PIWIL4: variants seen among roughly 807,000 people sequenced by gnomAD.
PIWIL4 encodes piwi like RNA-mediated gene silencing 4.
Under a neutral mutation model 100.9 loss-of-function variants are expected in PIWIL4, and 50 were observed. That is an observed-to-expected ratio of 0.50 (90% CI 0.39 to 0.63). PIWIL4 has a LOEUF of 0.63. PIWIL4 is among the 20% of genes least tolerant of loss of function. The pLI is 0.00. For synonymous variants in PIWIL4, 342 were observed against 367.5 expected (o/e 0.93, Z 0.79); for missense variants, 887 against 1,043.3 (o/e 0.85, Z 2.06).
chr11:94,607,796 C>G (rs1335062427), intron 14 of PIWIL4, among the ~76,000 whole-genome samples, 157 bp downstream of exon 14: 1 of 152,174 alleles, frequency 6.6e-6, no homozygotes, highest in African/African-American at 2.4e-5. Flanking sequence ...TTGTGAATCT[C>G]CAAAAGAGGC....
intron 17 of PIWIL4, 35 bp downstream of exon 17, chr11:94,618,142 A>G (rs1417568380): frequency 1.3e-6 from 2 of 1,510,904 alleles, no homozygotes; most frequent in African/African-American, 1.4e-5. Flanking sequence ...CATACTCCCA[A>G]TTATAGCATA....
intron 5 of PIWIL4, among the ~76,000 whole-genome samples, chr11:94,585,039 T>A (rs1948379516): frequency 6.6e-6 from 1 of 152,204 alleles, no homozygotes; most frequent in Non-Finnish European, 1.5e-5. Context: ...CACTCCAGCC[T>A]GGGCAACAAG....
intron 1 of PIWIL4, among the ~76,000 whole-genome samples, chr11:94,568,005 TTTAGA>T (rs1019729663): frequency 5.3e-5 from 8 of 152,072 alleles, no homozygotes; most frequent in Admixed American, 3.9e-4. Context: ...ACACATGTGG[TTTAGA>T]TTAAACTACT....
intron 3 of PIWIL4, among the ~76,000 whole-genome samples, chr11:94,576,389 C>T (rs1948237102): frequency 6.6e-6 from 1 of 152,198 alleles, no homozygotes; most frequent in Admixed American, 6.5e-5. Flanking sequence ...CCGCCTTGGC[C>T]TCCCAAACTG....
intron 5 of PIWIL4, among the ~76,000 whole-genome samples, chr11:94,584,316 G>A (rs1468397797): frequency 2.0e-5 from 3 of 152,156 alleles, no homozygotes; most frequent in African/African-American, 7.2e-5. Flanking sequence ...CCTCTGGAAG[G>A]CATGAAGATG....
At chr11:94,595,196 G>A in intron 9 of PIWIL4, 113 bp from the exon 10 acceptor site, 1 of 733,806 alleles carries the variant, frequency 1.4e-6, no homozygotes, top group South Asian at 2.2e-5. Flanking sequence ...ATTTCTATTG[G>A]ATGTGCTATA....
rs751887144 is a variant in PIWIL4 at position 94,568,808 on chromosome 11, G to T, written c.166G>T (p.Asp56Tyr). 4 of 1,592,676 alleles carry T rather than the reference G, an allele frequency of 2.5e-6. No individual in the cohort carries two copies. In the East Asian group the frequency reaches 8.9e-5, roughly 36 times the overall value. Residue 56 changes from aspartate to tyrosine, a missense_variant and splice_region_variant, in exon 2 of 20, where the codon GAT becomes TAT. Asp to Tyr is a radical substitution (Grantham distance 160). Around this residue, in one of 2 missense-constraint regions of PIWIL4, gnomAD observed 146 missense variants for 113.4 expected, o/e 1.29. Transcript: ENST00000299001. ...FLGTSRISTN[D>Y]KYGISSGDAG... is the part of the protein sequence containing the mutation. ...GGGAACAAGCAGGATCTCAACCAAC[G>T]GTAAGTGCAGCTCAGCCTGTTCATT...
intron 2 of PIWIL4, among the ~76,000 whole-genome samples, chr11:94,570,918 CAAAA>C (rs202046230): frequency 1.3e-5 from 2 of 151,672 alleles, no homozygotes; most frequent in Admixed American, 6.6e-5. Flanking sequence ...AACAAACAAA[CAAAA>C]AAAACAATTT....
chr11:94,620,742 G>A, intron 19 of PIWIL4, 134 bp from the exon 20 acceptor site: 1 of 618,704 alleles, frequency 1.6e-6, no homozygotes, highest in Non-Finnish European at 2.8e-6. Context: ...CCTTTTGTTG[G>A]TTGAGGTTAC....
chr11:94,593,458 G>T lies in PIWIL4; in HGVS notation c.1027-60G>T, dbSNP rs138782964. On this transcript the variant is annotated intron_variant, in intron 8 of 19. Coordinates refer to ENST00000299001, the MANE Select transcript of PIWIL4 (RefSeq NM_152431.3). ...TTAGGATCACCTTGTTGAATGTAAG[G>T]ATGCTCACCTGGCGGTGCTTCCATG... 1.7e-4 allele frequency: 269 copies of T among 1,542,016 alleles called. No individual in the cohort carries two copies. In the African/African-American group the frequency reaches 3.2e-3, roughly 18 times the overall value.
intron 9 of PIWIL4, 123 bp downstream of exon 9, chr11:94,593,764 TC>T: frequency 9.1e-7 from 1 of 1,094,846 alleles, no homozygotes; most frequent in Non-Finnish European, 1.3e-6. Context: ...TGGAGGATGG[TC>T]CTTTTAAGTA....
At chr11:94,610,397 C>G (rs1475433302) in intron 15 of PIWIL4, among the ~76,000 whole-genome samples, 1 of 152,062 alleles carries the variant, frequency 6.6e-6, no homozygotes, top group South Asian at 2.1e-4. Flanking sequence ...AGTAGTTCTA[C>G]TTGAAATTTT....
In PIWIL4 at chr11:94,589,225, A is replaced by G. The variant is rs781697239; in HGVS notation, c.1019A>G (p.Tyr340Cys). The stretch of plus-strand genomic sequence containing the variant: ...ACCGAGATCACCTATGTGGATTACT[A>G]CAAGCAGGTAGGACTTTTCTTCATG... ...DGTEITYVDY[Y>C]KQQYDITVSD... Residue 340 changes from tyrosine (Y) to cysteine (C), a missense_variant, in exon 8 of 20, where the codon TAC becomes TGC. Coordinates refer to ENST00000299001, the MANE Select transcript of PIWIL4 (RefSeq NM_152431.3). The G allele has an allele frequency of 1.9e-6, 3 of 1,594,778 alleles. No homozygotes were observed. The highest frequency in any genetic ancestry group is 2.6e-6 in the Non-Finnish European group (3 of 1,162,488).
intron 11 of PIWIL4, among the ~76,000 whole-genome samples, chr11:94,601,495 G>A (rs1948640557): frequency 6.6e-6 from 1 of 152,182 alleles, no homozygotes; most frequent in African/African-American, 2.4e-5. Flanking sequence ...GAGCTGGAAG[G>A]GAACCTCAGA....
intron 13 of PIWIL4, among the ~76,000 whole-genome samples, chr11:94,605,033 T>C (rs1948696454): frequency 6.6e-6 from 1 of 152,238 alleles, no homozygotes; most frequent in Admixed American, 6.5e-5. Context: ...TTACCATATT[T>C]GCTTTATTAT....
intron 4 of PIWIL4, among the ~76,000 whole-genome samples, chr11:94,582,199 A>G (rs573168249): frequency 9.2e-5 from 14 of 152,212 alleles, no homozygotes; most frequent in African/African-American, 3.1e-4. Flanking sequence ...CCTCCCCTCA[A>G]CCACTCATCC....
intron 13 of PIWIL4, 38 bp from the exon 14 acceptor site, chr11:94,607,401 A>C: frequency 6.4e-7 from 1 of 1,569,830 alleles, no homozygotes; most frequent in South Asian, 1.1e-5. Flanking sequence ...AGCAGAAGTA[A>C]ATTAACTTCC....
At chr11:94,570,758 G>T (rs188378078) in intron 2 of PIWIL4, among the ~76,000 whole-genome samples, 1 of 152,078 alleles carries the variant, frequency 6.6e-6, no homozygotes, top group Non-Finnish European at 1.5e-5. Context: ...CAGGCATGGC[G>T]GTGCACACCT....
In PIWIL4 at chr11:94,585,324, T is replaced by A. The variant is rs1948383750; in HGVS notation, c.636-121T>A. The A allele has an allele frequency of 6.3e-6, 4 of 631,782 alleles. No homozygotes were observed. The Admixed American group carries it at 8.3e-5, about 13-fold the overall frequency. 39.1% of individuals were successfully genotyped at this position (631,782 alleles called of 1,614,324 possible). A position where few individuals can be genotyped will look rare whatever the true frequency, so the allele number is the denominator to read the frequency against. On this transcript the variant is annotated intron_variant, in intron 5 of 19. Coordinates refer to ENST00000299001, the MANE Select transcript of PIWIL4 (RefSeq NM_152431.3). Reference sequence around the variant, plus strand: ...TTAGTATCTAAACCTTGCAGTCCTGTGAGAATGAGAGGTCTGTATTTCCTA... The same window carrying A: ...TTAGTATCTAAACCTTGCAGTCCTGAGAGAATGAGAGGTCTGTATTTCCTA...
Sources: allele counts gnomAD v4.1 joint callset (sites outside exome capture counted in the v4.1 genomes callset), GRCh38; gene constraint gnomAD v4.1.1; regional missense constraint gnomAD v4.1.1; transcripts MANE v1.5; gene names NCBI Gene and HGNC (gene_info 2026-07-23, HGNC 2026-07-21).